Variants in PLCH2 observed in about 807,000 individuals in gnomAD.
The protein encoded by PLCH2 is phospholipase C eta 2.
In PLCH2, 98 loss-of-function variants were observed where a neutral mutation model predicts 134.7. The observed-to-expected ratio is 0.73, with a 90% CI of 0.62 to 0.86. The LOEUF is 0.86. Among genes scored for constraint, PLCH2 ranks in the 40% least tolerant of loss-of-function variants. The probability of loss-of-function intolerance (pLI) is 0.00; values close to 1 mark genes in which losing one functional copy is unlikely to be tolerated. For missense variants in PLCH2, 1,994 were observed against 1,986.6 expected (o/e 1.00, Z -0.07); for synonymous variants, 974 against 827.5 (o/e 1.18, Z -3.04).
chr1:2,419,433 G>A, the PLCH2 span, among the ~76,000 whole-genome samples: 31 of 152,266 alleles, frequency 2.0e-4, 1 homozygote, highest in Non-Finnish European at 2.8e-4. Flanking sequence ...TCGAAGGGGC[G>A]CCTGTGCGGA....
At chr1:2,481,119 C>T (rs753844842) in intron 4 of PLCH2, among the ~76,000 whole-genome samples, 4 of 152,272 alleles carry the variant, frequency 2.6e-5, no homozygotes, top group Non-Finnish European at 4.4e-5. Context: ...TACACATGCT[C>T]ACAGCCTGAC....
intron 18 of PLCH2, 74 bp from the exon 19 acceptor site, chr1:2,499,010 C>CG: frequency 1.3e-6 from 2 of 1,525,380 alleles, no homozygotes; most frequent in African/African-American, 1.4e-5. Context: ...TGGTGTGGGC[C>CG]GGGGGCTCCA....
chr1:2,472,618 C>T (rs150329468), upstream of PLCH2, among the ~76,000 whole-genome samples: 638 of 152,314 alleles, frequency 4.2e-3, 4 homozygotes, highest in South Asian at 0.014. Context: ...CAGCAGGTGA[C>T]GGTCAGGCCA....
chr1:2,445,244 C>G (rs184139504), intron 2 of PLCH2, among the ~76,000 whole-genome samples: 138 of 152,128 alleles, frequency 9.1e-4, no homozygotes, highest in African/African-American at 3.1e-3. Context: ...CCCCACAGGC[C>G]CCTTCCCTGA....
intron 13 of PLCH2, 135 bp from the exon 14 acceptor site, chr1:2,496,472 G>C (rs760471616): frequency 1.4e-6 from 1 of 739,612 alleles, no homozygotes; most frequent in Non-Finnish European, 2.3e-6. Context: ...GGCCCAGTCT[G>C]GCGTCCGTCT....
At chr1:2,484,759 C>T in intron 5 of PLCH2, 141 bp downstream of exon 5, 4 of 875,246 alleles carry the variant, frequency 4.6e-6, no homozygotes, top group Non-Finnish European at 5.2e-6. Flanking sequence ...TACCTGGGCT[C>T]ATGCCCCTGC....
intron 11 of PLCH2, chr1:2,492,649 G>C (rs1642651707): frequency 6.6e-6 from 1 of 152,428 alleles, no homozygotes; most frequent in Non-Finnish European, 1.5e-5. Flanking sequence ...TACAGGCGAG[G>C]GGCGGAGCTG....
intron 2 of PLCH2, among the ~76,000 whole-genome samples, chr1:2,436,261 TCCTCCTCCTTTCCTCCTTCCTC>T (rs1379327968): frequency 4.1e-4 from 27 of 65,222 alleles, no homozygotes; most frequent in Non-Finnish European, 6.3e-4. Context: ...CCCTCCTCCC[TCCTCCTCCTTTCCTCCTTCCTC>T]CCTCCTCCTT....
intron 2 of PLCH2, among the ~76,000 whole-genome samples, chr1:2,451,421 A>G (rs896739959): frequency 6.6e-6 from 1 of 152,126 alleles, no homozygotes; most frequent in African/African-American, 2.4e-5. Flanking sequence ...GGCTGTACAG[A>G]TCAGTGCCGC....
rs747224676 is a variant in PLCH2 at position 2,478,537 on chromosome 1, C to G, written c.186C>G (p.Ser62=). 54 of 1,612,740 alleles carry G rather than the reference C, an allele frequency of 3.3e-5. No individual in the cohort carries two copies. The highest frequency in any genetic ancestry group is 4.6e-5 in the Non-Finnish European group (54 of 1,179,778). ...AGATGGTGAAGCTGCGTGGCGGCTC[C>G]AAGGGCCTGGTCCGCTTCTACTACC... ...GMQMVKLRGG[S]KGLVRFYYLD... is the part of the protein sequence containing the mutation. The change falls in exon 2 of 22, where the codon TCC becomes TCG. Residue 62 remains serine, a synonymous_variant. Transcript: ENST00000378486.
intron 21 of PLCH2, chr1:2,503,291 G>A (rs1184134649): frequency 1.8e-6 from 1 of 564,428 alleles, no homozygotes; most frequent in Non-Finnish European, 3.2e-6. Flanking sequence ...TGCCTTTCCT[G>A]GGACTGGGGG....
intron 4 of PLCH2, among the ~76,000 whole-genome samples, chr1:2,481,780 G>A (rs1006135683): frequency 5.3e-5 from 8 of 152,354 alleles, no homozygotes; most frequent in Non-Finnish European, 8.8e-5. Context: ...AGCTGGAGAC[G>A]GCCCCAGTTT....
upstream of PLCH2, among the ~76,000 whole-genome samples, chr1:2,421,348 G>A (rs893522504): frequency 1.3e-5 from 2 of 152,100 alleles, no homozygotes; most frequent in Non-Finnish European, 2.9e-5. Context: ...CAGAACCTAC[G>A]GTAGCATCTC....
intron 20 of PLCH2, chr1:2,500,755 G>A (rs1054120806): frequency 6.6e-6 from 1 of 151,252 alleles, no homozygotes; most frequent in African/African-American, 2.4e-5. Flanking sequence ...CAGCTGGGTG[G>A]CCGCCTTCTC....
intron 21 of PLCH2, chr1:2,503,504 T>C: frequency 1.5e-6 from 1 of 651,710 alleles, no homozygotes; most frequent in Non-Finnish European, 2.8e-6. Flanking sequence ...TAGAAGGGTG[T>C]CTCCTTAGCC....
At chr1:2,496,240 GC>G (rs1300117749) in intron 13 of PLCH2, among the ~76,000 whole-genome samples, 1 of 152,150 alleles carries the variant, frequency 6.6e-6, no homozygotes, top group Non-Finnish European at 1.5e-5. Context: ...CGACACGGAG[GC>G]CCCCTTGGAC....
At position 2,504,810 on chromosome 1, in the gene PLCH2, CG is replaced by C. The variant is rs778783440; in HGVS notation, c.3851del (p.Gly1284GlufsTer11). On this transcript the variant is annotated frameshift_variant, in exon 22 of 22. Transcript: ENST00000378486. LOFTEE classifies it high-confidence loss of function. The part of the protein sequence containing the change: ...SRRLSHSLGL[P>X]GGTRRVSGPG... ...AGACTGAGCCACAGCCTGGGCCTCC[CG>C]GGAGGGACACGGCGGGTGTCGGGGC... 1 of 1,611,198 alleles carries C rather than the reference CG, an allele frequency of 6.2e-7. No individual in the cohort carries two copies. The highest frequency in any genetic ancestry group is 8.5e-7 in the Non-Finnish European group (1 of 1,179,366).
At chr1:2,457,798 GTGCTGGGAGCGGC>G (rs1053376174) in intron 2 of PLCH2, among the ~76,000 whole-genome samples, 4 of 151,664 alleles carry the variant, frequency 2.6e-5, no homozygotes, top group African/African-American at 9.7e-5. Context: ...CAGGAGGCGC[GTGCTGGGAGCGGC>G]TCCCAGCCCT....
chr1:2,478,023 CA>C (rs1402253825), intron 1 of PLCH2, among the ~76,000 whole-genome samples: 2 of 152,258 alleles, frequency 1.3e-5, no homozygotes, highest in African/African-American at 4.8e-5. Flanking sequence ...CCAGCCCAGC[CA>C]CCTCATCTGT....
Sources: allele counts gnomAD v4.1 joint callset (sites outside exome capture counted in the v4.1 genomes callset), GRCh38; gene constraint gnomAD v4.1.1; transcripts MANE v1.5; gene names NCBI Gene and HGNC (gene_info 2026-07-23, HGNC 2026-07-21).